Variants in ATP2B1 observed in about 807,000 individuals in gnomAD.
ATP2B1 encodes the protein ATPase plasma membrane Ca2+ transporting 1.
In ATP2B1, 14 loss-of-function variants were observed where a neutral mutation model predicts 124.2. The observed-to-expected ratio is 0.11, with a 90% CI of 0.07 to 0.18. The LOEUF is 0.18. Ranked by LOEUF, ATP2B1 falls within the 10% of genes least tolerant of loss-of-function variation. The pLI is 1.00. For missense variants in ATP2B1, 763 were observed against 1,466.1 expected, an observed-to-expected ratio of 0.52 and a Z score of 7.83; for synonymous variants, 449 against 492.4, an observed-to-expected ratio of 0.91 and a Z score of 1.17.
At chr12:89,679,198 C>T (rs7138640) in intron 1 of ATP2B1, among the ~76,000 whole-genome samples, 5,336 of 152,176 alleles carry the variant, frequency 0.035, 298 homozygotes, top group African/African-American at 0.12. Flanking sequence ...TGAGTTTGCA[C>T]AGCCAAAGAC....
chr12:89,673,326 T>A (rs1190780633), intron 1 of ATP2B1, among the ~76,000 whole-genome samples: 1 of 152,224 alleles, frequency 6.6e-6, no homozygotes, highest in Non-Finnish European at 1.5e-5. Context: ...TTAATATCAC[T>A]TCAAACTACT....
At chr12:89,679,163 A>G (rs1889043588) in intron 1 of ATP2B1, among the ~76,000 whole-genome samples, 1 of 152,164 alleles carries the variant, frequency 6.6e-6, no homozygotes, top group Non-Finnish European at 1.5e-5. Context: ...TCTAAGGCAG[A>G]GGTTGGCCAA....
At chr12:89,688,711 C>T (rs1367654279) in intron 1 of ATP2B1, among the ~76,000 whole-genome samples, 1 of 152,032 alleles carries the variant, frequency 6.6e-6, no homozygotes, top group East Asian at 1.9e-4. Context: ...GGAGTCAGAT[C>T]TGGGCTTTGA....
chr12:89,591,468 C>G (rs1175451753), intron 20 of ATP2B1, among the ~76,000 whole-genome samples, 173 bp from the exon 21 acceptor site: 1 of 151,830 alleles, frequency 6.6e-6, no homozygotes, highest in Non-Finnish European at 1.5e-5. Flanking sequence ...TAAGACACTA[C>G]AGAACAACAA....
chr12:89,675,357 C>T (rs775225706), intron 1 of ATP2B1, among the ~76,000 whole-genome samples: 4 of 152,138 alleles, frequency 2.6e-5, no homozygotes, highest in Non-Finnish European at 5.9e-5. Flanking sequence ...TAAATGTCAA[C>T]TTACGTCTTT....
At chr12:89,637,300 TTG>T (rs1882850580) in intron 3 of ATP2B1, among the ~76,000 whole-genome samples, 1 of 152,324 alleles carries the variant, frequency 6.6e-6, no homozygotes, top group East Asian at 1.9e-4. Flanking sequence ...TTATATAATG[TTG>T]TGTTTCTTTT....
chr12:89,617,684 C>T (rs1879226254), intron 11 of ATP2B1, among the ~76,000 whole-genome samples: 1 of 152,036 alleles, frequency 6.6e-6, no homozygotes, highest in Non-Finnish European at 1.5e-5. Context: ...TTGATGATGC[C>T]ATCTCTTCCT....
rs570698226 is a variant in ATP2B1, at chr12:89,646,255, T to C, written c.209-3900A>G. ...AAACAAAACAAGTGTAGGTGTCTAGTAGACAGCTGGCTATCCATATTGAGA... is the reference window on the plus strand; with the variant it reads ...AAACAAAACAAGTGTAGGTGTCTAGCAGACAGCTGGCTATCCATATTGAGA... On this transcript the variant is annotated intron_variant, in intron 2 of 20. Transcript: ENST00000428670. Among the ~76,000 whole-genome samples the C allele has an allele frequency of 2.3e-4, 35 of 152,186 alleles. 1 individual carries two copies. In the South Asian group the frequency reaches 4.4e-3, roughly 19 times the overall value.
chr12:89,691,782 T>C (rs1890584314), intron 1 of ATP2B1, among the ~76,000 whole-genome samples: 1 of 152,160 alleles, frequency 6.6e-6, no homozygotes, highest in African/African-American at 2.4e-5. Flanking sequence ...AACAGGAAAG[T>C]CCACCCCTTT....
intron 5 of ATP2B1, 76 bp from the exon 6 acceptor site, chr12:89,630,721 A>G: frequency 8.9e-7 from 1 of 1,117,396 alleles, no homozygotes; most frequent in African/African-American, 1.6e-5. Flanking sequence ...AAACTTCAGT[A>G]ATATTGTTTT....
chr12:89,690,416 G>A (rs1890432465), intron 1 of ATP2B1, among the ~76,000 whole-genome samples: 1 of 150,796 alleles, frequency 6.6e-6, no homozygotes, highest in Non-Finnish European at 1.5e-5. Flanking sequence ...TTTAAGTATA[G>A]GGACATCGGT....
chr12:89,699,036 A>G (rs1280705519), intron 1 of ATP2B1, among the ~76,000 whole-genome samples: 1 of 152,198 alleles, frequency 6.6e-6, no homozygotes, highest in African/African-American at 2.4e-5. Context: ...TGGGTATCAA[A>G]TTCCTAAAAT....
rs375838205 is a variant in ATP2B1, at chr12:89,635,196, A to G, written c.462T>C (p.Ile154=). The G allele has an allele frequency of 1.2e-6, 2 of 1,613,782 alleles. No individual in the cohort carries two copies. The highest frequency in any genetic ancestry group is 2.2e-5 in the East Asian group (1 of 44,864). Residue 154 remains isoleucine (I), a synonymous_variant, in exon 4 of 21, where the codon ATT becomes ATC. Coordinates refer to ENST00000428670, the MANE Select transcript of ATP2B1 (RefSeq NM_001366521.1). ...EEEGEGETGW[I]EGAAILLSVV... is the part of the protein sequence containing the mutation. ...CAGACAAGAGGATTGCAGCTCCTTCAATCCAACCAGTTTCACCTTCACCTT... is the reference window on the plus strand; with the variant it reads ...CAGACAAGAGGATTGCAGCTCCTTCGATCCAACCAGTTTCACCTTCACCTT...
intron 1 of ATP2B1, 43 bp from the exon 2 acceptor site, chr12:89,656,150 A>G (rs966136834): frequency 4.2e-5 from 18 of 427,144 alleles, no homozygotes; most frequent in African/African-American, 3.6e-4. Flanking sequence ...ATCTATCTTA[A>G]GAGTATTATG....
chr12:89,616,681 A>T, intron 12 of ATP2B1, 121 bp downstream of exon 12: 1 of 883,690 alleles, frequency 1.1e-6, no homozygotes, highest in Non-Finnish European at 1.7e-6. Context: ...TCTTGGGTTC[A>T]CACAGAAAAA....
rs367748851 is a variant in ATP2B1 at position 89,671,355 on chromosome 12, G to C, written c.-221-15248C>G. On this transcript the variant is annotated intron_variant, in intron 1 of 20. Coordinates refer to ENST00000428670, the MANE Select transcript of ATP2B1 (RefSeq NM_001366521.1). ...AGAAAATCTGGCCTTTCTCATTCAAGCAGTATTTAGAAGGAAGAGTTTTCT... is the reference window on the plus strand; with the variant it reads ...AGAAAATCTGGCCTTTCTCATTCAACCAGTATTTAGAAGGAAGAGTTTTCT... 2.0e-5 allele frequency among the ~76,000 whole-genome samples: 3 copies of C among 152,144 alleles called. No homozygotes were observed. In the East Asian group the frequency reaches 5.8e-4, roughly 29 times the overall value.
intron 1 of ATP2B1, among the ~76,000 whole-genome samples, chr12:89,685,565 T>C (rs1389378894): frequency 6.6e-6 from 1 of 152,064 alleles, no homozygotes; most frequent in Non-Finnish European, 1.5e-5. Flanking sequence ...TCAGACCCAC[T>C]CCAGACCTCT....
chr12:89,698,964 T>C (rs1330780623), intron 1 of ATP2B1, among the ~76,000 whole-genome samples: 1 of 152,152 alleles, frequency 6.6e-6, no homozygotes, highest in African/African-American at 2.4e-5. Flanking sequence ...AAAGCAAGCT[T>C]CCAGCCTTCT....
At chr12:89,701,426 T>C (rs1368680607) in intron 1 of ATP2B1, among the ~76,000 whole-genome samples, 3 of 152,248 alleles carry the variant, frequency 2.0e-5, no homozygotes, top group Non-Finnish European at 4.4e-5. Context: ...TATAGAACTT[T>C]ATCCAGCAAA....
Sources: allele counts gnomAD v4.1 joint callset (sites outside exome capture counted in the v4.1 genomes callset), GRCh38; gene constraint gnomAD v4.1.1; transcripts MANE v1.5; gene names NCBI Gene and HGNC (gene_info 2026-07-23, HGNC 2026-07-21).